Variants in CLIP2 observed in about 807,000 individuals in gnomAD.
The protein encoded by CLIP2 is CAP-Gly domain containing linker protein 2, also known as CAP-Gly domain-containing linker protein 2.
A neutral mutation model predicts 111.7 loss-of-function variants in CLIP2; 41 were observed. That is an observed-to-expected ratio of 0.37 (90% CI 0.29 to 0.48). CLIP2 has a LOEUF of 0.48. Ranked by LOEUF, CLIP2 falls within the 20% of genes least tolerant of loss-of-function variation. CLIP2 has a pLI of 0.99. For missense variants in CLIP2, 1,160 were observed against 1,422.1 expected, an observed-to-expected ratio of 0.82 and a Z score of 2.96; for synonymous variants, 660 against 644.2, an observed-to-expected ratio of 1.02 and a Z score of -0.37.
intron 7 of CLIP2, among the ~76,000 whole-genome samples, chr7:74,361,591 C>T (rs1790333060): frequency 6.6e-6 from 1 of 152,148 alleles, no homozygotes; most frequent in Admixed American, 6.6e-5. Flanking sequence ...GGCCATGGCT[C>T]ACTGCAGCCT....
intron 8 of CLIP2, among the ~76,000 whole-genome samples, chr7:74,366,708 C>G (rs553783238): frequency 6.6e-6 from 1 of 152,068 alleles, no homozygotes; most frequent in South Asian, 2.1e-4. Context: ...GAAACACCGT[C>G]TCTACTGAAA....
At chr7:74,292,218 A>T (rs1449287956) in intron 1 of CLIP2, among the ~76,000 whole-genome samples, 1 of 151,630 alleles carries the variant, frequency 6.6e-6, no homozygotes, top group Non-Finnish European at 1.5e-5. Context: ...CACTGCACCC[A>T]GCCAGTTCTG....
At chr7:74,328,153 T>G (rs1789170728) in intron 2 of CLIP2, among the ~76,000 whole-genome samples, 3 of 151,628 alleles carry the variant, frequency 2.0e-5, no homozygotes, top group Non-Finnish European at 4.4e-5. Flanking sequence ...GGCTGGGGGA[T>G]GTAGACTCGG....
Position 74,376,310 on chromosome 7 carries a change from T to G in CLIP2, c.1909T>G (p.Ser637Ala). The G allele has an allele frequency of 6.2e-7, 1 of 1,613,720 alleles. No individual in the cohort carries two copies. The highest frequency in any genetic ancestry group is 2.2e-5 in the East Asian group (1 of 44,862). ...GGAGGACCTCAAAGCCACCCTGAAC[T>G]CGGGCCCAGGCGCCCAGCAGAAGGA... is the stretch of plus-strand genomic sequence containing the variant. ...SLEDLKATLN[S>A]GPGAQQKEIG... The change falls in exon 10 of 17, where the codon TCG (serine) becomes GCG (alanine). Residue 637 changes from serine (S) to alanine (A), a missense_variant. This residue lies in a region of CLIP2 where 676 missense variants were observed against 777.8 expected (regional missense o/e 0.87). Coordinates refer to ENST00000223398, the MANE Select transcript of CLIP2 (RefSeq NM_003388.5). The surrounding 1 kb of genome is among the most constrained non-coding windows in gnomAD (Gnocchi z 7.1).
Position 74,356,630 on chromosome 7 carries a change from G to A in CLIP2, c.1017+7G>A. 6.2e-7 allele frequency: 1 copy of A among 1,609,702 alleles called. No individual in the cohort carries two copies. ...GCCCAGCCGCAGTGGCCTGGTGAGGGTGGGGCTGCAGAAGGGGATTCTCTG... is the reference window on the plus strand; with the variant it reads ...GCCCAGCCGCAGTGGCCTGGTGAGGATGGGGCTGCAGAAGGGGATTCTCTG... On this transcript the variant is annotated splice_region_variant and intron_variant, in intron 5 of 16. Transcript: ENST00000223398.
Position 74,405,482 on chromosome 7 carries a change from A to C in CLIP2, c.*1634A>C, listed in dbSNP as rs369899290. ...TCACGTTCCTGCCCAAATGCAGCCC[A>C]TCGGGGAGTCACAGTCAGTCCCCCC... On this transcript the variant is annotated 3_prime_UTR_variant, in exon 17 of 17. Transcript: ENST00000223398. 1.0e-4 allele frequency: 16 copies of C among 153,022 alleles called. No homozygotes were observed. Among genetic ancestry groups the C allele is most frequent in the East Asian group, 9.7e-4 (5 of 5,180 alleles). 9.5% of individuals were successfully genotyped at this position (153,022 alleles called of 1,614,324 possible).
At chr7:74,356,974 T>C (rs950927668) in intron 5 of CLIP2, among the ~76,000 whole-genome samples, 2 of 152,074 alleles carry the variant, frequency 1.3e-5, no homozygotes, top group Non-Finnish European at 2.9e-5. Context: ...AAACCCAATC[T>C]AGGATTGGAG....
chr7:74,304,448 C>G (rs1161698712), intron 1 of CLIP2, among the ~76,000 whole-genome samples: 1 of 150,192 alleles, frequency 6.7e-6, no homozygotes, highest in Admixed American at 6.6e-5. Context: ...ATGGTTTGAA[C>G]CCGGGAGGTG....
intron 1 of CLIP2, among the ~76,000 whole-genome samples, chr7:74,315,997 C>T (rs1328379371): frequency 6.6e-6 from 1 of 151,398 alleles, no homozygotes; most frequent in Non-Finnish European, 1.5e-5. Context: ...AGGTATTAAG[C>T]CCAGCATGCA....
In CLIP2 at chr7:74,380,879, G is replaced by T; in HGVS notation, c.2479+16G>T. 3 of 1,613,260 alleles carry T rather than the reference G, an allele frequency of 1.9e-6. No homozygotes were observed. Among genetic ancestry groups the T allele is most frequent in the Non-Finnish European group, 2.5e-6 (3 of 1,179,310 alleles). ...ACTGTGGAGGGTGAGTGGCCACCAG[G>T]CCGGGCGGGACTCTGGGCTCTGGGA... On this transcript the variant is annotated intron_variant, in intron 11 of 16. Transcript: ENST00000223398.
intron 2 of CLIP2, among the ~76,000 whole-genome samples, chr7:74,326,994 G>C (rs930155103): frequency 3.5e-5 from 5 of 144,350 alleles, no homozygotes; most frequent in African/African-American, 1.3e-4. Context: ...GCAGCGGCAC[G>C]ATCTCAGCTC....
chr7:74,389,270 C>T lies in CLIP2; in HGVS notation c.2720+11C>T, dbSNP rs1370509319. ...GCTGCGGAAGGAGCGGTGAGGCGGC[C>T]GTGGGGCCGGCTGGGTCCTCCCTGT... is the stretch of plus-strand genomic sequence containing the variant. On this transcript the variant is annotated intron_variant, in intron 13 of 16. Transcript: ENST00000223398. 8.3e-6 allele frequency: 13 copies of T among 1,569,710 alleles called. No individual in the cohort carries two copies. The highest frequency in any genetic ancestry group is 1.7e-4 in the Middle Eastern group (1 of 5,844).
intron 11 of CLIP2, chr7:74,381,534 A>G (rs782802890): frequency 1.1e-5 from 5 of 452,730 alleles, no homozygotes; most frequent in Non-Finnish European, 2.2e-5. Flanking sequence ...TTCAAAGGGC[A>G]TATGGCAAAC....
intron 1 of CLIP2, among the ~76,000 whole-genome samples, chr7:74,293,534 C>A (rs1584297600): frequency 6.6e-6 from 1 of 152,180 alleles, no homozygotes; most frequent in Non-Finnish European, 1.5e-5. Flanking sequence ...GCCCACCCGC[C>A]TCTGCTCGGC....
chr7:74,384,561 T>G (rs1791032777), intron 11 of CLIP2, among the ~76,000 whole-genome samples: 1 of 148,040 alleles, frequency 6.8e-6, no homozygotes, highest in South Asian at 2.2e-4. Context: ...TTCTCCTGCC[T>G]CAGTCTCCTG....
Position 74,356,397 on chromosome 7 carries a change from C to T in CLIP2, c.804-13C>T, listed in dbSNP as rs1294345630. The T allele has an allele frequency of 6.2e-7, 1 of 1,613,276 alleles. No individual in the cohort carries two copies. The highest frequency in any genetic ancestry group is 2.2e-5 in the East Asian group (1 of 44,878). On this transcript the variant is annotated splice_polypyrimidine_tract_variant and intron_variant, in intron 4 of 16. Transcript: ENST00000223398. ...GGCCGTGACAGCAGCTTGGGTCTCT[C>T]CTGCTTCCACAGGTACTTCCAGTGC... is the stretch of plus-strand genomic sequence containing the variant.
chr7:74,357,529 G>A, intron 6 of CLIP2, 52 bp downstream of exon 6: 1 of 1,544,636 alleles, frequency 6.5e-7, no homozygotes. Context: ...GCCTCATAGA[G>A]TCTCACCCAC....
Position 74,338,857 on chromosome 7 carries a change from GC to G in CLIP2, c.536del (p.Pro179ArgfsTer2). On this transcript the variant is annotated frameshift_variant, in exon 3 of 17. Transcript: ENST00000223398. LOFTEE classifies it high-confidence loss of function. The surrounding 1 kb of genome is among the most constrained non-coding windows in gnomAD (Gnocchi z 4.3). Reference sequence around the variant, plus strand: ...TGTCATTGCATTCGGGCACGGCCACGCCCCCGCTGACCAGCCGCGTCATCCC... The same window carrying G: ...TGTCATTGCATTCGGGCACGGCCACGCCCCGCTGACCAGCCGCGTCATCCC... ...NLSLHSGTAT[P>X]PLTSRVIPLR... 1 of 1,609,098 alleles carries G rather than the reference GC, an allele frequency of 6.2e-7. No individual in the cohort carries two copies. The highest frequency in any genetic ancestry group is 8.5e-7 in the Non-Finnish European group (1 of 1,179,910).
chr7:74,313,517 G>A (rs1477695518), intron 1 of CLIP2, among the ~76,000 whole-genome samples: 4 of 150,238 alleles, frequency 2.7e-5, no homozygotes, highest in East Asian at 2.0e-4. Flanking sequence ...CCGAGATTGC[G>A]CCACTGCACT....
Sources: gnomAD v4.1 joint callset for allele counts (sites outside exome capture counted in the v4.1 genomes callset) on GRCh38, gnomAD v4.1.1 for gene constraint, gnomAD v4.1.1 regional missense constraint, Gnocchi (gnomAD v3.1) non-coding constraint, MANE v1.5 for transcripts, NCBI Gene and HGNC (gene_info 2026-07-23, HGNC 2026-07-21) for gene names.